The following HSPA4L variants were observed in gnomAD, a reference collection of about 807,000 sequenced individuals.
The protein encoded by HSPA4L is heat shock 70 kDa protein 4L.
In HSPA4L, 48 loss-of-function variants were observed where a neutral mutation model predicts 100.3. The observed-to-expected ratio is 0.48, with a 90% confidence interval of 0.38 to 0.61. The LOEUF (loss-of-function observed/expected upper bound fraction) is 0.61, where lower values mean the gene tolerates loss of function less well. Among genes scored for constraint, HSPA4L ranks in the 20% least tolerant of loss-of-function variants. The pLI is 0.00. For synonymous variants in HSPA4L, 319 were observed against 328.2 expected (o/e 0.97, Z 0.30); for missense variants, 886 against 988.6 (o/e 0.90, Z 1.39).
chr4:127,829,880 G>C (rs1166428805), intron 17 of HSPA4L, among the ~76,000 whole-genome samples: 1 of 151,814 alleles, frequency 6.6e-6, no homozygotes, highest in African/African-American at 2.4e-5. Context: ...AAAATGTGGC[G>C]ACCTAGAAAC....
intron 12 of HSPA4L, among the ~76,000 whole-genome samples, chr4:127,816,804 A>G (rs1405810889): frequency 6.6e-6 from 1 of 152,226 alleles, no homozygotes; most frequent in Non-Finnish European, 1.5e-5. Context: ...AATGTGAAGA[A>G]ATTTTAGAAA....
At chr4:127,805,522 A>G (rs1441611447) in intron 9 of HSPA4L, among the ~76,000 whole-genome samples, 165 bp from the exon 10 acceptor site, 2 of 152,164 alleles carry the variant, frequency 1.3e-5, no homozygotes, top group East Asian at 3.8e-4. Context: ...GGTCACATAA[A>G]GAGTACTCAG....
Position 127,782,352 on chromosome 4 carries a change from G to A in HSPA4L, c.-199G>A. ...GGAAAGACCCAGGCTGCGGGACGCG[G>A]TGCAGGCTGCGGCGCTGACGGCCTC... On this transcript the variant is annotated 5_prime_UTR_variant, in exon 1 of 19. In the 5' UTR this introduces an upstream ATG that the reference lacks. Transcript: ENST00000296464. 1 of 571,236 alleles carries A rather than the reference G, an allele frequency of 1.8e-6. No homozygotes were observed. The highest frequency in any genetic ancestry group is 3.1e-6 in the Non-Finnish European group (1 of 319,090). 35.4% of individuals were successfully genotyped at this position (571,236 alleles called of 1,614,324 possible). A position where few individuals can be genotyped will look rare whatever the true frequency, so the allele number is the denominator to read the frequency against.
intron 5 of HSPA4L, 106 bp from the exon 6 acceptor site, chr4:127,801,679 A>C: frequency 1.2e-6 from 1 of 803,320 alleles, no homozygotes. Flanking sequence ...GAAGATAATA[A>C]TATGTATTAC....
Position 127,798,623 on chromosome 4 carries a change from G to A in HSPA4L, c.343G>A (p.Glu115Lys). Residue 115 changes from glutamate (E) to lysine (K), a missense_variant, in exon 4 of 19, where the codon GAG (glutamate) becomes AAG (lysine). Glu to Lys is a moderately conservative substitution (Grantham distance 56). Transcript: ENST00000296464. The part of the protein sequence containing the change: ...YLEEERPFAI[E>K]QVTGMLLAKL... ...AGAGGAAGAGAGACCTTTTGCAATTGAGCAAGTTACTGGAATGCTGTTAGC... is the reference window on the plus strand; with the variant it reads ...AGAGGAAGAGAGACCTTTTGCAATTAAGCAAGTTACTGGAATGCTGTTAGC... 1 of 1,613,668 alleles carries A rather than the reference G, an allele frequency of 6.2e-7. No homozygotes were observed. Among genetic ancestry groups the A allele is most frequent in the Admixed American group, 1.7e-5 (1 of 60,018 alleles).
At chr4:127,783,437 A>T in intron 1 of HSPA4L, 8 of 1,322,190 alleles carry the variant, frequency 6.1e-6, no homozygotes, top group Non-Finnish European at 7.9e-6. Flanking sequence ...TGTCCCGTAT[A>T]AACATGACTG....
intron 1 of HSPA4L, among the ~76,000 whole-genome samples, chr4:127,787,102 C>T (rs1381747704): frequency 6.6e-6 from 1 of 151,880 alleles, no homozygotes; most frequent in Non-Finnish European, 1.5e-5. Context: ...TTATTTTTTC[C>T]TATTTCTTTA....
At chr4:127,808,179 G>A in intron 11 of HSPA4L, 50 bp downstream of exon 11, 18 of 1,448,588 alleles carry the variant, frequency 1.2e-5, no homozygotes, top group Non-Finnish European at 1.7e-5. Flanking sequence ...TATAAATAAT[G>A]TGTTATTTTA....
intron 3 of HSPA4L, among the ~76,000 whole-genome samples, chr4:127,796,728 C>T (rs976775583): frequency 6.6e-6 from 1 of 152,094 alleles, no homozygotes; most frequent in African/African-American, 2.4e-5. Context: ...AGGCCACATA[C>T]TGTATGATTC....
rs916337042 is a variant in HSPA4L at position 127,833,722 on chromosome 4, CTTGT to C, written c.*851_*854del. The C allele has an allele frequency of 2.0e-5, 3 of 152,088 alleles. No homozygotes were observed. The highest frequency in any genetic ancestry group is 7.2e-5 in the African/African-American group (3 of 41,434). 9.4% of individuals were successfully genotyped at this position (152,088 alleles called of 1,614,324 possible). ...GCCTTGTTTCAGTTATAATAGTTGT[CTTGT>C]TTTTTTCTTAATTGATTTTGTTAAT... is the stretch of plus-strand genomic sequence containing the variant. On this transcript the variant is annotated 3_prime_UTR_variant, in exon 19 of 19. Coordinates refer to ENST00000296464, the MANE Select transcript of HSPA4L (RefSeq NM_014278.4).
At chr4:127,787,664 T>C (rs1732755329) in intron 1 of HSPA4L, among the ~76,000 whole-genome samples, 1 of 152,222 alleles carries the variant, frequency 6.6e-6, no homozygotes, top group Non-Finnish European at 1.5e-5. Context: ...CTTCATTCTT[T>C]TTGCTAGCTG....
intron 16 of HSPA4L, among the ~76,000 whole-genome samples, chr4:127,825,641 C>T (rs1733931498): frequency 6.6e-6 from 1 of 152,038 alleles, no homozygotes; most frequent in African/African-American, 2.4e-5. Flanking sequence ...AAACACAAGC[C>T]AGCCAGGTGC....
At chr4:127,790,229 CA>C (rs1732835364) in intron 1 of HSPA4L, among the ~76,000 whole-genome samples, 1 of 152,186 alleles carries the variant, frequency 6.6e-6, no homozygotes, top group Non-Finnish European at 1.5e-5. Flanking sequence ...AATCAACCTA[CA>C]AATAAGATTT....
chr4:127,812,450 T>A (rs886117015), intron 12 of HSPA4L, among the ~76,000 whole-genome samples: 3 of 151,772 alleles, frequency 2.0e-5, no homozygotes, highest in Non-Finnish European at 4.4e-5. Flanking sequence ...TTTAACTTTA[T>A]TAAAGAGTTA....
intron 11 of HSPA4L, among the ~76,000 whole-genome samples, chr4:127,809,914 G>T (rs898514009): frequency 1.3e-5 from 2 of 152,106 alleles, no homozygotes; most frequent in East Asian, 3.9e-4. Context: ...TATAGGATTG[G>T]TGTCAGTGTA....
chr4:127,831,648 T>C (rs1289811391), intron 18 of HSPA4L, among the ~76,000 whole-genome samples: 2 of 152,052 alleles, frequency 1.3e-5, no homozygotes, highest in Non-Finnish European at 2.9e-5. Context: ...ATGTATACAG[T>C]GTATTGGTAA....
At position 127,820,600 on chromosome 4, in the gene HSPA4L, T is replaced by C. The variant is rs760066380; in HGVS notation, c.1812+35T>C. On this transcript the variant is annotated intron_variant, in intron 14 of 18. Coordinates refer to ENST00000296464, the MANE Select transcript of HSPA4L (RefSeq NM_014278.4). ...TCTGAGTTGATGCTGAAATAGGTGGTAGTTTATTCTGAAATTTTGTAGAAG... is the reference window on the plus strand; with the variant it reads ...TCTGAGTTGATGCTGAAATAGGTGGCAGTTTATTCTGAAATTTTGTAGAAG... 10 of 1,576,102 alleles carry C rather than the reference T, an allele frequency of 6.3e-6. No individual in the cohort carries two copies. The South Asian group carries it at 1.1e-4, about 17-fold the overall frequency.
In HSPA4L at chr4:127,839,954, A is replaced by T. The variant is rs1341273817; in HGVS notation, c.*7080A>T. The T allele has an allele frequency of 1.3e-5, 2 of 152,138 alleles. No individual in the cohort carries two copies. Among genetic ancestry groups the T allele is most frequent in the African/African-American group, 4.8e-5 (2 of 41,422 alleles). The allele number at this position is 152,138 out of a possible 1,614,324, so 9.4% of individuals were successfully genotyped here. A position where few individuals can be genotyped will look rare whatever the true frequency, so the allele number is the denominator to read the frequency against. ...TCATCTTTTCTTTTCTCCAACCATTATTAAAATAACTTGACACTTTGGGAG... is the reference window on the plus strand; with the variant it reads ...TCATCTTTTCTTTTCTCCAACCATTTTTAAAATAACTTGACACTTTGGGAG... On this transcript the variant is annotated 3_prime_UTR_variant, in exon 19 of 19. Coordinates refer to ENST00000296464, the MANE Select transcript of HSPA4L (RefSeq NM_014278.4).
chr4:127,811,658 A>G, intron 12 of HSPA4L, 22 bp downstream of exon 12: 1 of 1,537,124 alleles, frequency 6.5e-7, no homozygotes, highest in Non-Finnish European at 8.9e-7. Flanking sequence ...TTCTTTCTCA[A>G]TGTTCTTGTA....
Sources: gnomAD v4.1 joint callset for allele counts (sites outside exome capture counted in the v4.1 genomes callset) on GRCh38, gnomAD v4.1.1 for gene constraint, MANE v1.5 for transcripts, NCBI Gene and HGNC (gene_info 2026-07-23, HGNC 2026-07-21) for gene names.